SYNPR: variants seen among roughly 807,000 people sequenced by gnomAD.
SYNPR encodes synaptoporin.
SYNPR carries 23 observed loss-of-function variants against 32.9 expected under a neutral mutation model. The observed-to-expected ratio is 0.70, with a 90% confidence interval of 0.50 to 0.99. The LOEUF is 0.99. SYNPR is among the 50% of genes least tolerant of loss of function. The pLI, the probability that SYNPR is intolerant of heterozygous loss-of-function variation, is 0.00. For synonymous variants in SYNPR, 146 were observed against 135.9 expected (o/e 1.07, Z -0.52); for missense variants, 318 against 349.3 (o/e 0.91, Z 0.71).
intron 5 of SYNPR, among the ~76,000 whole-genome samples, chr3:63,614,729 A>G (rs1700252489): frequency 6.6e-6 from 1 of 152,208 alleles, no homozygotes; most frequent in Admixed American, 6.5e-5. Context: ...TCTAACCATA[A>G]AGAGAAGATA....
Position 63,338,617 on chromosome 3 carries a change from A to G in SYNPR, c.84+59875A>G, listed in dbSNP as rs1161067364. Among the ~76,000 whole-genome samples, 3 of 152,192 alleles carry G rather than the reference A, an allele frequency of 2.0e-5. No homozygotes were observed. In the East Asian group the frequency reaches 5.8e-4, roughly 29 times the overall value. ...GACCAGATTCTAATAGAATGATTATATACTATATTGTATTAGGTCATGTTA... is the reference window on the plus strand; with the variant it reads ...GACCAGATTCTAATAGAATGATTATGTACTATATTGTATTAGGTCATGTTA... On this transcript the variant is annotated intron_variant, in intron 2 of 5. Transcript: ENST00000478300.
chr3:63,351,600 T>C (rs1053927495), intron 2 of SYNPR: 3 of 152,226 alleles, frequency 2.0e-5, no homozygotes, highest in African/African-American at 7.2e-5. Flanking sequence ...TTATCTGAGA[T>C]GACAAATTCC....
intron 2 of SYNPR, among the ~76,000 whole-genome samples, chr3:63,436,205 A>C (rs1320833717): frequency 6.6e-6 from 1 of 151,278 alleles, no homozygotes; most frequent in Non-Finnish European, 1.5e-5. Flanking sequence ...TTAATACTTT[A>C]AGTTTTAGGG....
At chr3:63,459,104 C>T (rs1253647642) in intron 2 of SYNPR, among the ~76,000 whole-genome samples, 5 of 152,028 alleles carry the variant, frequency 3.3e-5, no homozygotes, top group Admixed American at 3.3e-4. Context: ...CCTATCTCTT[C>T]TCTTTTCTGC....
At chr3:63,417,423 G>C (rs1429970909) in intron 2 of SYNPR, among the ~76,000 whole-genome samples, 1 of 152,172 alleles carries the variant, frequency 6.6e-6, no homozygotes, top group Non-Finnish European at 1.5e-5. Flanking sequence ...AGCTTTTCCA[G>C]GCATGCAGTA....
chr3:63,421,667 T>A (rs1699800597), intron 2 of SYNPR, among the ~76,000 whole-genome samples: 1 of 152,184 alleles, frequency 6.6e-6, no homozygotes, highest in South Asian at 2.1e-4. Flanking sequence ...CTAGTTTCCA[T>A]GGGGCAAGAG....
chr3:63,577,465 A>G (rs1022222624), intron 4 of SYNPR, among the ~76,000 whole-genome samples: 1 of 152,128 alleles, frequency 6.6e-6, no homozygotes, highest in East Asian at 1.9e-4. Flanking sequence ...GCAACTTGGG[A>G]ACTGTTTTTT....
At chr3:63,423,123 C>T (rs1699828682) in intron 2 of SYNPR, among the ~76,000 whole-genome samples, 2 of 151,960 alleles carry the variant, frequency 1.3e-5, no homozygotes, top group African/African-American at 4.8e-5. Flanking sequence ...AACACATGTA[C>T]ATAACAACAT....
chr3:63,297,577 G>C (rs1287152846), intron 2 of SYNPR, among the ~76,000 whole-genome samples: 1 of 152,152 alleles, frequency 6.6e-6, no homozygotes, highest in Non-Finnish European at 1.5e-5. Context: ...GTGATACAAA[G>C]AAATAGTTTC....
At chr3:63,358,584 A>G (rs183099479) in intron 2 of SYNPR, among the ~76,000 whole-genome samples, 9 of 152,012 alleles carry the variant, frequency 5.9e-5, no homozygotes, top group Admixed American at 4.6e-4. Context: ...GAACATGAAC[A>G]TCTTTAGGGA....
At chr3:63,296,801 CAATA>C (rs1190537865) in intron 2 of SYNPR, among the ~76,000 whole-genome samples, 1 of 151,860 alleles carries the variant, frequency 6.6e-6, no homozygotes, top group African/African-American at 2.4e-5. Flanking sequence ...TTTAAATAAT[CAATA>C]AATAAATGAA....
chr3:63,204,869 G>A, the SYNPR span, among the ~76,000 whole-genome samples: 4 of 152,066 alleles, frequency 2.6e-5, no homozygotes, highest in East Asian at 7.7e-4. Context: ...TGTATTTTTA[G>A]TAGAGATGAG....
chr3:63,202,029 G>A, the SYNPR span, among the ~76,000 whole-genome samples: 1 of 152,030 alleles, frequency 6.6e-6, no homozygotes. Context: ...AATGCTGCCA[G>A]GAGTTCAGTA....
chr3:63,259,378 A>T (rs529129377), intron 2 of SYNPR, among the ~76,000 whole-genome samples: 5 of 152,330 alleles, frequency 3.3e-5, no homozygotes, highest in African/African-American at 1.2e-4. Flanking sequence ...ATCCACCATG[A>T]TCAAGTGGGC....
chr3:63,475,648 T>C (rs1700886053), intron 2 of SYNPR, among the ~76,000 whole-genome samples: 1 of 152,114 alleles, frequency 6.6e-6, no homozygotes. Flanking sequence ...TTGCTTATAG[T>C]ATTACAGAGT....
In SYNPR at chr3:63,616,343, A is replaced by G. The variant is rs904629010; in HGVS notation, c.*862A>G. 2.6e-5 allele frequency: 4 copies of G among 152,052 alleles called. No homozygotes were observed. Among genetic ancestry groups the G allele is most frequent in the Admixed American group, 2.0e-4 (3 of 15,266 alleles). 9.4% of individuals were successfully genotyped at this position (152,052 alleles called of 1,614,324 possible). On this transcript the variant is annotated 3_prime_UTR_variant, in exon 6 of 6. Transcript: ENST00000478300. ...GGACCATAAATAACACGGCCCAATAACTCTTTGTGTTTATGGAGTGTTGTT... is the reference window on the plus strand; with the variant it reads ...GGACCATAAATAACACGGCCCAATAGCTCTTTGTGTTTATGGAGTGTTGTT...
intron 2 of SYNPR, among the ~76,000 whole-genome samples, chr3:63,350,871 T>G (rs2087498298): frequency 6.6e-6 from 1 of 152,160 alleles, no homozygotes; most frequent in Non-Finnish European, 1.5e-5. Context: ...AGCCCATCAG[T>G]TAGTGACTTC....
At chr3:63,223,116 G>A in the SYNPR span, among the ~76,000 whole-genome samples, 1,270 of 152,032 alleles carry the variant, frequency 8.4e-3, 12 homozygotes, top group East Asian at 0.05. Context: ...GTGCAAGGAG[G>A]TTTTACTGCT....
At chr3:63,417,412 C>T (rs1426526212) in intron 2 of SYNPR, among the ~76,000 whole-genome samples, 4 of 152,210 alleles carry the variant, frequency 2.6e-5, no homozygotes, top group Non-Finnish European at 5.9e-5. Flanking sequence ...TGAGTGTCTG[C>T]AGCTTTTCCA....
Sources: gnomAD v4.1 joint callset for allele counts (sites outside exome capture counted in the v4.1 genomes callset) on GRCh38, gnomAD v4.1.1 for gene constraint, MANE v1.5 for transcripts, NCBI Gene and HGNC (gene_info 2026-07-23, HGNC 2026-07-21) for gene names.